Variants in RTL4 observed in about 807,000 individuals in gnomAD.
The protein encoded by RTL4 is retrotransposon Gag like 4.
A neutral mutation model predicts 5.3 loss-of-function variants in RTL4; 4 were observed. That is an observed-to-expected ratio of 0.75 (90% confidence interval 0.37 to 1.72). The LOEUF (loss-of-function observed/expected upper bound fraction) is 1.72, where lower values mean the gene tolerates loss of function less well. Among genes scored for constraint, RTL4 ranks in the 40% most tolerant of loss-of-function variants. The pLI is 0.04. For missense variants in RTL4, 260 were observed against 227.1 expected (o/e 1.14, Z -0.93); for synonymous variants, 98 against 87.3 (o/e 1.12, Z -0.68).
the RTL4 span, among the ~76,000 whole-genome samples, chrX:112,210,442 A>G: frequency 8.9e-6 from 1 of 112,497 alleles, no homozygotes; most frequent in African/African-American, 3.2e-5. Context: ...AACACATGGC[A>G]TAGTGCCATG....
chrX:112,113,131 C>T, the RTL4 span, among the ~76,000 whole-genome samples: 1 of 111,190 alleles, frequency 9.0e-6, no homozygotes, highest in South Asian at 3.9e-4. Context: ...TTATGAGCTT[C>T]AGGCCTTAAG....
At chrX:112,100,373 GATTGTTAGGA>G in the RTL4 span, among the ~76,000 whole-genome samples, 1,004 of 111,740 alleles carry the variant, frequency 9.0e-3, 41 homozygotes, top group Admixed American at 0.086. Context: ...GCAAGACACA[GATTGTTAGGA>G]AAATGAGGGT....
the RTL4 span, among the ~76,000 whole-genome samples, chrX:112,428,403 C>G: frequency 9.0e-6 from 1 of 111,464 alleles, no homozygotes; most frequent in Non-Finnish European, 1.9e-5. Flanking sequence ...TGAAGATGTC[C>G]TCTTTGACCC....
the RTL4 span, among the ~76,000 whole-genome samples, chrX:112,344,107 T>C: frequency 2.7e-5 from 3 of 112,195 alleles, no homozygotes; most frequent in Non-Finnish European, 5.6e-5. Context: ...TTGTTAAATT[T>C]ATTAAACAAA....
At chrX:112,295,380 T>C in the RTL4 span, among the ~76,000 whole-genome samples, 1 of 112,147 alleles carries the variant, frequency 8.9e-6, no homozygotes, top group Non-Finnish European at 1.9e-5. Flanking sequence ...CTCAAGAGGT[T>C]CCTTTTACCA....
the RTL4 span, among the ~76,000 whole-genome samples, chrX:112,236,388 A>G: frequency 2.3e-5 from 2 of 88,571 alleles, no homozygotes; most frequent in Non-Finnish European, 4.4e-5. Flanking sequence ...CCTAACTTTC[A>G]TATATATATA....
At chrX:112,191,343 A>G in the RTL4 span, among the ~76,000 whole-genome samples, 2 of 111,514 alleles carry the variant, frequency 1.8e-5, no homozygotes, top group Non-Finnish European at 3.8e-5. Flanking sequence ...GAAATGGCAT[A>G]TCTAGAGTCT....
At chrX:112,368,380 C>T in the RTL4 span, among the ~76,000 whole-genome samples, 1 of 111,816 alleles carries the variant, frequency 8.9e-6, no homozygotes, top group Non-Finnish European at 1.9e-5. Context: ...TAATAGATGA[C>T]GGTAGTGCCA....
At chrX:112,368,189 T>C in the RTL4 span, among the ~76,000 whole-genome samples, 1 of 111,598 alleles carries the variant, frequency 9.0e-6, no homozygotes, top group Non-Finnish European at 1.9e-5. Flanking sequence ...TGGGTGGCTG[T>C]TTTAGTGATC....
the RTL4 span, among the ~76,000 whole-genome samples, chrX:112,229,510 A>G: frequency 8.9e-6 from 1 of 111,981 alleles, no homozygotes; most frequent in African/African-American, 3.2e-5. Flanking sequence ...TACTGTGATA[A>G]GGATTTTGCC....
the RTL4 span, among the ~76,000 whole-genome samples, chrX:112,182,172 T>C: frequency 7.2e-5 from 8 of 110,876 alleles, no homozygotes; most frequent in Non-Finnish European, 1.3e-4. Flanking sequence ...AGAAACCCCA[T>C]CCAAAGGTCA....
At chrX:112,367,313 A>G in the RTL4 span, among the ~76,000 whole-genome samples, 1 of 111,650 alleles carries the variant, frequency 9.0e-6, no homozygotes, top group Non-Finnish European at 1.9e-5. Flanking sequence ...GTTGAAACTG[A>G]TAACTAAAAA....
the RTL4 span, among the ~76,000 whole-genome samples, chrX:112,288,289 A>G: frequency 8.9e-6 from 1 of 112,456 alleles, no homozygotes; most frequent in Admixed American, 9.4e-5. Context: ...TGAGAGAAAC[A>G]TGCAAAACTT....
At chrX:112,141,643 C>T in the RTL4 span, among the ~76,000 whole-genome samples, 4 of 110,298 alleles carry the variant, frequency 3.6e-5, no homozygotes, top group Admixed American at 2.9e-4. Flanking sequence ...TTAAATGCCA[C>T]GGTGTCTTGG....
At chrX:112,095,337 A>T in the RTL4 span, among the ~76,000 whole-genome samples, 1 of 111,675 alleles carries the variant, frequency 9.0e-6, no homozygotes, top group East Asian at 2.8e-4. Flanking sequence ...AATAATTTTG[A>T]GAATGAGAGA....
chrX:112,445,337 C>T, the RTL4 span, among the ~76,000 whole-genome samples: 3 of 112,427 alleles, frequency 2.7e-5, no homozygotes, highest in Non-Finnish European at 5.6e-5. Flanking sequence ...GAGACATGTT[C>T]CTTGAAAAGC....
the RTL4 span, among the ~76,000 whole-genome samples, chrX:112,151,163 A>G: frequency 8.9e-6 from 1 of 112,528 alleles, no homozygotes; most frequent in African/African-American, 3.2e-5. Context: ...TCAGGCACAC[A>G]AGACAGTTTC....
At chrX:112,234,730 T>C in the RTL4 span, among the ~76,000 whole-genome samples, 1 of 111,533 alleles carries the variant, frequency 9.0e-6, no homozygotes, top group African/African-American at 3.3e-5. Context: ...CTCCAGAAAA[T>C]CTGATTTTGA....
chrX:112,260,181 A>C, the RTL4 span, among the ~76,000 whole-genome samples: 1 of 111,664 alleles, frequency 9.0e-6, no homozygotes, highest in African/African-American at 3.3e-5. Flanking sequence ...TGGTGGTTGC[A>C]GTATCTAACT....
Sources: gnomAD v4.1 joint callset for allele counts (sites outside exome capture counted in the v4.1 genomes callset) on GRCh38, gnomAD v4.1.1 for gene constraint, MANE v1.5 for transcripts, NCBI Gene and HGNC (gene_info 2026-07-23, HGNC 2026-07-21) for gene names.